Variants in CDH12 observed in about 807,000 individuals in gnomAD.
CDH12 encodes the protein cadherin 12.
CDH12 carries 41 observed loss-of-function variants against 74.1 expected under a neutral mutation model. The observed-to-expected ratio is 0.55, with a 90% CI of 0.43 to 0.72. The LOEUF is 0.72. CDH12 is among the 30% of genes least tolerant of loss of function. The pLI is 0.00. For missense variants in CDH12, 945 were observed against 977.2 expected, an observed-to-expected ratio of 0.97 and a Z score of 0.44; for synonymous variants, 399 against 355.0, an observed-to-expected ratio of 1.12 and a Z score of -1.39.
At chr5:22,327,115 CT>C (rs890897958) in intron 3 of CDH12, among the ~76,000 whole-genome samples, 1 of 151,784 alleles carries the variant, frequency 6.6e-6, no homozygotes, top group Non-Finnish European at 1.5e-5. Flanking sequence ...TGCAGAAAAA[CT>C]TTTTTCTGCT....
chr5:22,274,010 C>G (rs1248490445), intron 3 of CDH12, among the ~76,000 whole-genome samples: 1 of 152,046 alleles, frequency 6.6e-6, no homozygotes, highest in African/African-American at 2.4e-5. Flanking sequence ...TTTATATCCA[C>G]CACTATGAAT....
chr5:22,590,403 T>TA (rs1355739629), intron 1 of CDH12, among the ~76,000 whole-genome samples: 1 of 152,126 alleles, frequency 6.6e-6, no homozygotes, highest in Admixed American at 6.6e-5. Flanking sequence ...ATCCTATGAT[T>TA]AAAAAAACAT....
chr5:22,617,134 A>G lies in CDH12; in HGVS notation c.-522-111770T>C, dbSNP rs182268107. Among the ~76,000 whole-genome samples the G allele has an allele frequency of 7.7e-4, 117 of 152,072 alleles. 1 individual carries two copies. The East Asian group carries it at 0.016, about 20-fold the overall frequency. ...AAGTGAGGCTCCCACCTAGCCTCCT[A>G]AAGTGCTGGGATTAAAGAAATGAGC... On this transcript the variant is annotated intron_variant, in intron 1 of 14. Coordinates refer to ENST00000382254, the MANE Select transcript of CDH12 (RefSeq NM_004061.5).
At chr5:22,640,069 G>A (rs1739067208) in intron 1 of CDH12, among the ~76,000 whole-genome samples, 1 of 152,084 alleles carries the variant, frequency 6.6e-6, no homozygotes, top group South Asian at 2.1e-4. Flanking sequence ...AAAGAAAGTG[G>A]TAACAAAATA....
intron 1 of CDH12, among the ~76,000 whole-genome samples, chr5:22,756,074 T>TAATGG (rs1440849780): frequency 1.7e-5 from 2 of 118,752 alleles, no homozygotes; most frequent in Non-Finnish European, 3.3e-5. Flanking sequence ...TGCTTTGAAG[T>TAATGG]AATGGATCCT....
At chr5:21,883,834 A>G in intron 6 of CDH12, 1 of 1,604,990 alleles carries the variant, frequency 6.2e-7, no homozygotes, top group Non-Finnish European at 8.5e-7. Flanking sequence ...GTTGAAGTGA[A>G]TGAAAAGAAA....
intron 1 of CDH12, among the ~76,000 whole-genome samples, chr5:22,785,542 C>T (rs1287090774): frequency 6.6e-6 from 1 of 152,040 alleles, no homozygotes; most frequent in Non-Finnish European, 1.5e-5. Context: ...TTATTTGAGA[C>T]AAGGTCTCAC....
chr5:22,450,771 A>G (rs971320048), intron 2 of CDH12, among the ~76,000 whole-genome samples: 2 of 151,916 alleles, frequency 1.3e-5, no homozygotes, highest in African/African-American at 4.8e-5. Flanking sequence ...CCTGGCTAAG[A>G]AAGCTCATTT....
intron 6 of CDH12, among the ~76,000 whole-genome samples, chr5:21,934,094 C>G (rs1468090649): frequency 1.3e-5 from 2 of 152,100 alleles, no homozygotes; most frequent in Non-Finnish European, 2.9e-5. Context: ...ACTTACAGCT[C>G]CATATTGAGT....
At chr5:21,988,947 G>A (rs974428900) in intron 5 of CDH12, among the ~76,000 whole-genome samples, 2 of 152,116 alleles carry the variant, frequency 1.3e-5, no homozygotes, top group Non-Finnish European at 2.9e-5. Context: ...GTAGAAATTA[G>A]GAGAAACGTA....
intron 1 of CDH12, among the ~76,000 whole-genome samples, chr5:22,709,868 A>T (rs1047852966): frequency 6.6e-6 from 1 of 152,174 alleles, no homozygotes; most frequent in Non-Finnish European, 1.5e-5. Flanking sequence ...TTCCTTCTAG[A>T]CAGCCACACT....
chr5:22,841,289 G>A (rs145759538), intron 1 of CDH12, among the ~76,000 whole-genome samples: 36 of 152,276 alleles, frequency 2.4e-4, no homozygotes, highest in African/African-American at 7.9e-4. Flanking sequence ...TGCAATGTGA[G>A]TGAAATAGAG....
chr5:22,732,901 C>A (rs1744506230), intron 1 of CDH12, among the ~76,000 whole-genome samples: 1 of 151,848 alleles, frequency 6.6e-6, no homozygotes, highest in African/African-American at 2.4e-5. Context: ...GATACAGCAG[C>A]CCCAGAAAAC....
intron 1 of CDH12, among the ~76,000 whole-genome samples, chr5:22,835,286 T>C (rs917667524): frequency 6.6e-6 from 1 of 152,130 alleles, no homozygotes. Context: ...TTTGCAAAAA[T>C]ATTCTGGAAA....
intron 5 of CDH12, among the ~76,000 whole-genome samples, chr5:21,990,010 C>T (rs1270996257): frequency 1.3e-5 from 2 of 152,128 alleles, no homozygotes; most frequent in African/African-American, 4.8e-5. Flanking sequence ...GGCTGATGTA[C>T]ACTTTTCCAC....
In CDH12 at chr5:22,638,658, G is replaced by A. The variant is rs12658388; in HGVS notation, c.-522-133294C>T. 6 of 152,228 alleles carry A rather than the reference G, an allele frequency of 3.9e-5. No individual in the cohort carries two copies. The East Asian group carries it at 9.7e-4, about 25-fold the overall frequency. 9.4% of individuals were successfully genotyped at this position (152,228 alleles called of 1,614,324 possible). Reference sequence around the variant, plus strand: ...CAATTCAAACAAGTTGACACTAAGTGTTAACCGTCATAGCTCAATACATAA... The same window carrying A: ...CAATTCAAACAAGTTGACACTAAGTATTAACCGTCATAGCTCAATACATAA... On this transcript the variant is annotated intron_variant, in intron 1 of 14. Transcript: ENST00000382254.
chr5:22,155,620 C>A (rs1747976173), intron 4 of CDH12, among the ~76,000 whole-genome samples: 2 of 152,052 alleles, frequency 1.3e-5, no homozygotes, highest in African/African-American at 4.8e-5. Flanking sequence ...TGGAATAGAT[C>A]ATTGAACATA....
At chr5:22,771,917 T>A (rs1186998568) in intron 1 of CDH12, among the ~76,000 whole-genome samples, 1 of 152,072 alleles carries the variant, frequency 6.6e-6, no homozygotes, top group South Asian at 2.1e-4. Flanking sequence ...GTATATGATA[T>A]ATATAAACAC....
chr5:22,421,548 TG>T (rs1417813446), intron 2 of CDH12, among the ~76,000 whole-genome samples: 1 of 152,174 alleles, frequency 6.6e-6, no homozygotes, highest in African/African-American at 2.4e-5. Context: ...TAGTATTCCA[TG>T]GTGTATATGT....
Sources: gnomAD v4.1 joint callset for allele counts (sites outside exome capture counted in the v4.1 genomes callset) on GRCh38, gnomAD v4.1.1 for gene constraint, MANE v1.5 for transcripts, NCBI Gene and HGNC (gene_info 2026-07-23, HGNC 2026-07-21) for gene names.